The following LAMA2 variants were observed in gnomAD, a reference collection of about 807,000 sequenced individuals.
LAMA2 encodes the protein laminin subunit alpha 2, also known as laminin subunit alpha-2.
A neutral mutation model predicts 364.8 loss-of-function variants in LAMA2; 269 were observed. The observed-to-expected ratio is 0.74, with a 90% CI of 0.67 to 0.82. The LOEUF (loss-of-function observed/expected upper bound fraction) is 0.82. Ranked by LOEUF, LAMA2 falls within the 40% of genes least tolerant of loss-of-function variation. The pLI, the probability that LAMA2 is intolerant of heterozygous loss-of-function variation, is 0.00. For synonymous variants in LAMA2, 1,379 were observed against 1,370.6 expected (o/e 1.01, Z -0.14); for missense variants, 3,807 against 3,873.2 (o/e 0.98, Z 0.45).
chr6:129,055,692 C>T (rs752976117), intron 2 of LAMA2, among the ~76,000 whole-genome samples: 4 of 152,100 alleles, frequency 2.6e-5, no homozygotes, highest in Non-Finnish European at 2.9e-5. Context: ...ATGGAAGGTC[C>T]GCAGTTAATT....
intron 1 of LAMA2, among the ~76,000 whole-genome samples, chr6:128,943,866 A>G (rs1780331568): frequency 6.6e-6 from 1 of 152,184 alleles, no homozygotes; most frequent in African/African-American, 2.4e-5. Flanking sequence ...AAAGATTTAG[A>G]GAGATCACTT....
chr6:129,265,566 A>G (rs1787445760), intron 15 of LAMA2, among the ~76,000 whole-genome samples: 1 of 152,070 alleles, frequency 6.6e-6, no homozygotes, highest in Non-Finnish European at 1.5e-5. Flanking sequence ...GAGGCAAAAA[A>G]TGTAATGGGG....
intron 10 of LAMA2, among the ~76,000 whole-genome samples, chr6:129,187,034 A>G (rs1166434007): frequency 6.6e-6 from 1 of 151,866 alleles, no homozygotes; most frequent in Non-Finnish European, 1.5e-5. Flanking sequence ...TTTGATATTG[A>G]TAACAGAGGA....
chr6:128,961,318 G>GATAGATAGAT (rs1257743658), intron 1 of LAMA2, among the ~76,000 whole-genome samples: 3 of 57,786 alleles, frequency 5.2e-5, no homozygotes, highest in Non-Finnish European at 1.1e-4. Context: ...GAACTAATAT[G>GATAGATAGAT]ATATATATAT....
At chr6:129,124,023 C>G (rs56209536) in intron 4 of LAMA2, among the ~76,000 whole-genome samples, 3 of 152,220 alleles carry the variant, frequency 2.0e-5, no homozygotes, top group East Asian at 1.9e-4. Context: ...TTGTATACAT[C>G]AAATACGTAA....
chr6:129,314,547 T>C, intron 23 of LAMA2, 108 bp from the exon 24 acceptor site: 1 of 984,838 alleles, frequency 1.0e-6, no homozygotes, highest in East Asian at 2.6e-5. Flanking sequence ...GTTCTTCTGT[T>C]TTGTTTTAAA....
intron 12 of LAMA2, among the ~76,000 whole-genome samples, chr6:129,218,898 A>C (rs1186916710): frequency 6.6e-6 from 1 of 152,170 alleles, no homozygotes; most frequent in East Asian, 1.9e-4. Context: ...TTCAATATTT[A>C]TATGTAAAAC....
At chr6:129,442,145 G>C (rs974830244) in intron 43 of LAMA2, 43 of 1,150,968 alleles carry the variant, frequency 3.7e-5, no homozygotes, top group Non-Finnish European at 4.9e-5. Context: ...CAAAAGCACT[G>C]TAATTGGTAT....
At chr6:129,238,172 CAAAA>C (rs202051106) in intron 12 of LAMA2, among the ~76,000 whole-genome samples, 1 of 119,160 alleles carries the variant, frequency 8.4e-6, no homozygotes, top group African/African-American at 3.0e-5. Context: ...GACTCCATCT[CAAAA>C]AAAAAAAAAG....
chr6:129,507,171 C>G (rs994695972), intron 61 of LAMA2, among the ~76,000 whole-genome samples: 6 of 151,608 alleles, frequency 4.0e-5, no homozygotes, highest in Non-Finnish European at 7.4e-5. Flanking sequence ...ACGTAAGAGA[C>G]CAATTAAAAC....
At chr6:129,464,066 A>T (rs1783406720) in intron 49 of LAMA2, among the ~76,000 whole-genome samples, 1 of 151,956 alleles carries the variant, frequency 6.6e-6, no homozygotes, top group Non-Finnish European at 1.5e-5. Context: ...ACTTAAAAAA[A>T]CTAATGACTT....
Position 129,316,631 on chromosome 6 carries a change from A to T in LAMA2, c.4058+460A>T, listed in dbSNP as rs562561654. Among the ~76,000 whole-genome samples the T allele has an allele frequency of 2.0e-5, 3 of 152,332 alleles. No individual in the cohort carries two copies. In the South Asian group the frequency reaches 6.2e-4, roughly 32 times the overall value. On this transcript the variant is annotated intron_variant, in intron 27 of 64. Coordinates refer to ENST00000421865, the MANE Select transcript of LAMA2 (RefSeq NM_000426.4). ...TACAATGTTGTCATTTTCCCTATGC[A>T]TCATGTTGAGAAATGATTCTGAATC...
chr6:129,081,098 A>G (rs1401133511), intron 3 of LAMA2, among the ~76,000 whole-genome samples: 5 of 152,216 alleles, frequency 3.3e-5, no homozygotes, highest in Non-Finnish European at 5.9e-5. Context: ...TTGTAGGGAT[A>G]TGGATGAAGC....
intron 45 of LAMA2, among the ~76,000 whole-genome samples, chr6:129,449,477 T>A (rs62421015): frequency 3.3e-5 from 5 of 151,936 alleles, no homozygotes; most frequent in Non-Finnish European, 7.4e-5. Flanking sequence ...AATTCATTCA[T>A]GAGGACAGAG....
rs184420473 is a variant in LAMA2 at position 129,219,875 on chromosome 6, C to T, written c.1782+27022C>T. On this transcript the variant is annotated intron_variant, in intron 12 of 64. Transcript: ENST00000421865. ...GATAGCATTAGGAGATGCTAAATGACGAGTTAATGGGTGCAGCACACCAGC... is the reference window on the plus strand; with the variant it reads ...GATAGCATTAGGAGATGCTAAATGATGAGTTAATGGGTGCAGCACACCAGC... Among the ~76,000 whole-genome samples, 88 of 147,970 alleles carry T rather than the reference C, an allele frequency of 5.9e-4. 1 individual carries two copies. The highest frequency in any genetic ancestry group is 1.9e-3 in the Admixed American group (29 of 15,006).
chr6:129,383,890 C>T (rs146168156), intron 35 of LAMA2, among the ~76,000 whole-genome samples: 3 of 152,284 alleles, frequency 2.0e-5, no homozygotes, highest in Non-Finnish European at 4.4e-5. Flanking sequence ...ATATAATAAA[C>T]GTGCATGCAT....
rs574979632 is a variant in LAMA2 at position 129,209,623 on chromosome 6, C to G, written c.1782+16770C>G. On this transcript the variant is annotated intron_variant, in intron 12 of 64. Transcript: ENST00000421865. ...TTCAGCAAAACTGTTAAATTAACTC[C>G]TTTAAAAATCTAGTTATTGCTATGA... is the stretch of plus-strand genomic sequence containing the variant. Among the ~76,000 whole-genome samples the G allele has an allele frequency of 1.3e-3, 200 of 152,220 alleles. 1 individual carries two copies. Among genetic ancestry groups the G allele is most frequent in the African/African-American group, 4.7e-3 (195 of 41,540 alleles).
At chr6:129,339,911 G>A (rs1776163009) in intron 29 of LAMA2, among the ~76,000 whole-genome samples, 1 of 151,778 alleles carries the variant, frequency 6.6e-6, no homozygotes. Flanking sequence ...GCTGAGGCAG[G>A]AGAATCGCTT....
chr6:129,406,239 G>T (rs556481168), intron 40 of LAMA2, among the ~76,000 whole-genome samples: 1 of 152,196 alleles, frequency 6.6e-6, no homozygotes, highest in East Asian at 1.9e-4. Context: ...CACACTGAAA[G>T]GAAAATATGA....
Sources: gnomAD v4.1 joint callset for allele counts (sites outside exome capture counted in the v4.1 genomes callset) on GRCh38, gnomAD v4.1.1 for gene constraint, MANE v1.5 for transcripts, NCBI Gene and HGNC (gene_info 2026-07-23, HGNC 2026-07-21) for gene names.